The following TAF1 variants were observed in gnomAD, a reference collection of about 807,000 sequenced individuals.
The protein encoded by TAF1 is TATA-box binding protein associated factor 1.
TAF1 carries 2 observed loss-of-function variants against 138.5 expected under a neutral mutation model. That is an observed-to-expected ratio of 0.01 (90% confidence interval 0.01 to 0.05). TAF1 has a LOEUF of 0.05. Among genes scored for constraint, TAF1 ranks in the 10% least tolerant of loss-of-function variants. The probability of loss-of-function intolerance (pLI) is 1.00; values close to 1 mark genes in which losing one functional copy is unlikely to be tolerated. For missense variants in TAF1, 709 were observed against 1,478.0 expected, an observed-to-expected ratio of 0.48 and a Z score of 8.53; for synonymous variants, 437 against 503.2, an observed-to-expected ratio of 0.87 and a Z score of 1.76.
downstream of TAF1, among the ~76,000 whole-genome samples, chrX:71,469,542 A>T (rs1251155691): frequency 2.8e-5 from 3 of 107,635 alleles, no homozygotes; most frequent in African/African-American, 1.0e-4. Context: ...ATAATGAAAA[A>T]ATTAGTAGCC....
At chrX:71,403,099 G>A (rs2035266448) in intron 25 of TAF1, among the ~76,000 whole-genome samples, 1 of 110,068 alleles carries the variant, frequency 9.1e-6, no homozygotes, top group Admixed American at 9.8e-5. Context: ...CATGATCTCA[G>A]CTCACTGCAA....
At chrX:71,452,018 G>C (rs1318187679) in intron 32 of TAF1, among the ~76,000 whole-genome samples, 2 of 110,767 alleles carry the variant, frequency 1.8e-5, no homozygotes, top group South Asian at 7.5e-4. Flanking sequence ...GGTGGTGGCC[G>C]GGCAGAGGGG....
intron 28 of TAF1, among the ~76,000 whole-genome samples, chrX:71,416,341 A>G (rs2036010185): frequency 1.0e-5 from 1 of 100,150 alleles, no homozygotes; most frequent in South Asian, 4.9e-4. Flanking sequence ...AGCTATGATC[A>G]CACCATTGGA....
intron 32 of TAF1, among the ~76,000 whole-genome samples, chrX:71,448,302 A>G (rs1443761440): frequency 1.8e-5 from 2 of 111,794 alleles, no homozygotes; most frequent in African/African-American, 6.5e-5. Context: ...TTCCTAAGCT[A>G]CAAAACCTAT....
At chrX:71,412,147 CAG>C (rs201418011) in intron 28 of TAF1, among the ~76,000 whole-genome samples, 1,402 of 91,785 alleles carry the variant, frequency 0.015, 28 homozygotes, top group African/African-American at 0.056. Context: ...TTTTTTGAGA[CAG>C]GGTCTCACTG....
intron 6 of TAF1, 85 bp from the exon 7 acceptor site, chrX:71,378,150 C>G: frequency 1.1e-6 from 1 of 948,219 alleles, no homozygotes; most frequent in African/African-American, 1.9e-5. Flanking sequence ...TCTCTAAGTT[C>G]CCCTCCTGAC....
At chrX:71,494,398 G>T (rs1437947645) in intron 13 of TAF1, among the ~76,000 whole-genome samples, 1 of 110,976 alleles carries the variant, frequency 9.0e-6, no homozygotes, top group African/African-American at 3.3e-5. Context: ...ACTCCAGCCT[G>T]GGCAACAGAG....
intron 14 of TAF1, chrX:71,386,973 A>G: frequency 3.5e-6 from 1 of 288,982 alleles, no homozygotes; most frequent in Non-Finnish European, 6.1e-6. Context: ...AAACTTAGAC[A>G]TGTTAAATAG....
At chrX:71,425,777 C>A (rs2036561739) in intron 32 of TAF1, among the ~76,000 whole-genome samples, 1 of 111,921 alleles carries the variant, frequency 8.9e-6, no homozygotes, top group South Asian at 3.7e-4. Context: ...TAATATAGTT[C>A]AGTTTTTAAT....
chrX:71,450,839 A>G (rs775447414), intron 32 of TAF1, among the ~76,000 whole-genome samples: 1 of 112,431 alleles, frequency 8.9e-6, no homozygotes, highest in Non-Finnish European at 1.9e-5. Context: ...TATTTAAGGC[A>G]GGGATTGAAA....
intron 8 of TAF1, among the ~76,000 whole-genome samples, chrX:71,381,181 A>G (rs770495403): frequency 1.3e-4 from 15 of 112,664 alleles, no homozygotes; most frequent in Non-Finnish European, 2.6e-4. Context: ...AATTTAACCA[A>G]TTCCTTCTTA....
In TAF1 at chrX:71,463,905, A is replaced by G. The variant is rs983715011; in HGVS notation, c.5481A>G (p.Ser1827=). The G allele has an allele frequency of 8.3e-7, 1 of 1,209,674 alleles. No individual in the cohort carries two copies. The highest frequency in any genetic ancestry group is 1.7e-5 in the African/African-American group (1 of 57,878). The change falls in exon 38 of 38, where the codon TCA becomes TCG. Residue 1827 remains serine, a synonymous_variant. Coordinates refer to ENST00000423759, the MANE Select transcript of TAF1 (RefSeq NM_004606.5). ...SFSSIGGYEV[S]EEEEDEEEEE... ...GCAGCATCGGTGGGTATGAGGTATC[A>G]GAGGAGGAAGAAGATGAGGAGGAGG...
chrX:71,527,661 AC>A (rs1322652887), intron 13 of TAF1, among the ~76,000 whole-genome samples: 1 of 111,867 alleles, frequency 8.9e-6, no homozygotes, highest in Non-Finnish European at 1.9e-5. Flanking sequence ...CCTTGCCAAC[AC>A]TTCCCCACCT....
intron 32 of TAF1, among the ~76,000 whole-genome samples, chrX:71,449,362 T>C (rs1172066347): frequency 1.8e-5 from 2 of 110,725 alleles, no homozygotes; most frequent in East Asian, 5.7e-4. Context: ...TGACCTCAGG[T>C]GATTGCCTGC....
intron 25 of TAF1, among the ~76,000 whole-genome samples, chrX:71,404,696 C>T (rs759486843): frequency 9.0e-6 from 1 of 111,292 alleles, no homozygotes; most frequent in African/African-American, 3.3e-5. Context: ...GTTTATAGAT[C>T]TTTTTTTCTC....
At chrX:71,459,773 A>G (rs1602751290) in intron 36 of TAF1, 65 bp downstream of exon 36, 1 of 1,174,732 alleles carries the variant, frequency 8.5e-7, no homozygotes, top group East Asian at 3.0e-5. Context: ...ACTGGACTGG[A>G]TAGGCGCTCT....
At chrX:71,424,273 C>T (rs755867205) in intron 32 of TAF1, 35 bp downstream of exon 32, 36 of 1,119,228 alleles carry the variant, frequency 3.2e-5, no homozygotes, top group Non-Finnish European at 3.7e-5. Flanking sequence ...TCCATGAATC[C>T]GTCCATCTTC....
At chrX:71,431,138 T>C (rs1157256616) in intron 32 of TAF1, among the ~76,000 whole-genome samples, 1 of 103,997 alleles carries the variant, frequency 9.6e-6, no homozygotes, top group East Asian at 3.2e-4. Context: ...TCTCAGCCCA[T>C]GGCAACCTTC....
At chrX:71,388,915 T>G (rs1390749083) in intron 17 of TAF1, 47 bp downstream of exon 17, 4 of 1,145,269 alleles carry the variant, frequency 3.5e-6, no homozygotes, top group Non-Finnish European at 4.7e-6. Flanking sequence ...GGTTTTTTGT[T>G]TTTTTTTTTC....
Sources: gnomAD v4.1 joint callset for allele counts (sites outside exome capture counted in the v4.1 genomes callset) on GRCh38, gnomAD v4.1.1 for gene constraint, MANE v1.5 for transcripts, NCBI Gene and HGNC (gene_info 2026-07-23, HGNC 2026-07-21) for gene names.